SAMMSON: variants seen among roughly 807,000 people sequenced by gnomAD.
The protein encoded by SAMMSON is long intergenic non-protein coding RNA 1212.
chr3:70,026,746 G>A (rs1370001989), intron 3 of SAMMSON, among the ~76,000 whole-genome samples: 1 of 152,192 alleles, frequency 6.6e-6, no homozygotes, highest in African/African-American at 2.4e-5. Context: ...ACCACACTAA[G>A]TTTCTGAACT....
chr3:70,337,246 T>G (rs1426640673), intron 7 of SAMMSON, among the ~76,000 whole-genome samples: 6 of 149,686 alleles, frequency 4.0e-5, no homozygotes, highest in African/African-American at 1.5e-4. Context: ...AACTTAAAAC[T>G]CCCTTAATAG....
At chr3:70,367,720 C>T (rs546252475) in intron 9 of SAMMSON, among the ~76,000 whole-genome samples, 189 of 151,538 alleles carry the variant, frequency 1.2e-3, no homozygotes, top group African/African-American at 4.4e-3. Context: ...TTACTGATTT[C>T]CTTTCTTTTG....
intron 2 of SAMMSON, among the ~76,000 whole-genome samples, chr3:70,416,566 G>A (rs183176035): frequency 2.1e-4 from 32 of 152,028 alleles, no homozygotes; most frequent in African/African-American, 6.8e-4. Flanking sequence ...ATACAATCTG[G>A]AGTGATTTTC....
chr3:70,275,214 T>C (rs1358388896), intron 6 of SAMMSON, among the ~76,000 whole-genome samples: 1 of 152,164 alleles, frequency 6.6e-6, no homozygotes, highest in Admixed American at 6.5e-5. Context: ...TGAATAGCAT[T>C]CATGATGATT....
intron 4 of SAMMSON, among the ~76,000 whole-genome samples, chr3:70,155,240 G>A (rs1221476791): frequency 4.0e-5 from 6 of 151,880 alleles, no homozygotes; most frequent in Non-Finnish European, 8.8e-5. Flanking sequence ...TTGACATCAC[G>A]ACTCTGGGGG....
intron 8 of SAMMSON, among the ~76,000 whole-genome samples, chr3:70,355,315 T>G (rs532664768): frequency 3.9e-5 from 6 of 152,212 alleles, no homozygotes; most frequent in Middle Eastern, 3.4e-3. Context: ...TCAGGAAATC[T>G]TCCAACAAGG....
At chr3:70,034,021 A>G (rs1473648332) in intron 3 of SAMMSON, among the ~76,000 whole-genome samples, 6 of 152,094 alleles carry the variant, frequency 3.9e-5, no homozygotes, top group Non-Finnish European at 8.8e-5. Flanking sequence ...AGATGGATCT[A>G]TATTTAGGGA....
intron 9 of SAMMSON, among the ~76,000 whole-genome samples, chr3:70,377,979 A>G (rs922518987): frequency 1.3e-5 from 2 of 152,058 alleles, no homozygotes; most frequent in African/African-American, 4.8e-5. Flanking sequence ...ATACGCTCAT[A>G]CATTGATGGT....
intron 4 of SAMMSON, among the ~76,000 whole-genome samples, chr3:70,105,329 T>C (rs1199173292): frequency 3.3e-5 from 5 of 152,186 alleles, no homozygotes; most frequent in Admixed American, 1.3e-4. Flanking sequence ...CACCACACAA[T>C]AACTGTCTGT....
intron 2 of SAMMSON, among the ~76,000 whole-genome samples, chr3:70,428,948 A>G (rs1311771103): frequency 6.6e-6 from 1 of 152,180 alleles, no homozygotes; most frequent in African/African-American, 2.4e-5. Context: ...GGAACTTTAG[A>G]TAGAATAAGT....
At chr3:69,999,883 G>A (rs1218990704) in intron 1 of SAMMSON, 2 of 152,314 alleles carry the variant, frequency 1.3e-5, no homozygotes, top group Non-Finnish European at 2.9e-5. Flanking sequence ...GTTTGGCTGG[G>A]GCAGTGGGAG....
intron 2 of SAMMSON, among the ~76,000 whole-genome samples, chr3:70,411,681 C>G (rs755142383): frequency 2.6e-5 from 4 of 152,118 alleles, no homozygotes; most frequent in Non-Finnish European, 4.4e-5. Flanking sequence ...GAGTAAGTCT[C>G]ACAAGAACTG....
intron 7 of SAMMSON, among the ~76,000 whole-genome samples, chr3:70,298,802 G>T (rs1448353117): frequency 6.6e-6 from 1 of 152,166 alleles, no homozygotes; most frequent in Admixed American, 6.6e-5. Flanking sequence ...TATGATAGAA[G>T]ATGTACTGGA....
intron 7 of SAMMSON, among the ~76,000 whole-genome samples, chr3:70,326,209 C>T (rs2106720027): frequency 6.6e-6 from 1 of 152,044 alleles, no homozygotes; most frequent in Non-Finnish European, 1.5e-5. Context: ...CTTATTTACT[C>T]TCAGAGTGTA....
intron 4 of SAMMSON, among the ~76,000 whole-genome samples, chr3:70,189,452 G>A (rs1019833562): frequency 2.6e-5 from 4 of 152,206 alleles, no homozygotes; most frequent in Admixed American, 1.3e-4. Flanking sequence ...CTATTGAGAA[G>A]TCAGTTTCCA....
chr3:70,032,941 T>C (rs2067071355), intron 3 of SAMMSON, among the ~76,000 whole-genome samples: 1 of 152,162 alleles, frequency 6.6e-6, no homozygotes, highest in African/African-American at 2.4e-5. Context: ...CTCAGTCCAC[T>C]TCTGATTTCG....
chr3:70,004,204 G>A (rs780284097), intron 1 of SAMMSON, among the ~76,000 whole-genome samples: 5 of 152,148 alleles, frequency 3.3e-5, no homozygotes, highest in Non-Finnish European at 5.9e-5. Flanking sequence ...CTCACATAAA[G>A]TTAGTAAAGT....
At position 70,289,715 on chromosome 3, in the gene SAMMSON, G is replaced by A. The variant is rs1029975857; in HGVS notation, n.675-1464G>A. ...GGTACACCAATCAGACCTAGATTTG[G>A]TCTTTTCACATAGTCCCATATTTCT... is the stretch of plus-strand genomic sequence containing the variant. On this transcript the variant is annotated intron_variant and non_coding_transcript_variant, in intron 6 of 9. Coordinates refer to ENST00000642114, the Ensembl canonical transcript of SAMMSON. 7.9e-5 allele frequency among the ~76,000 whole-genome samples: 12 copies of A among 152,168 alleles called. 1 individual carries two copies. The highest frequency in any genetic ancestry group is 6.2e-4 in the South Asian group (3 of 4,812).
chr3:70,427,314 C>G (rs1159406297), intron 2 of SAMMSON, among the ~76,000 whole-genome samples: 1 of 152,160 alleles, frequency 6.6e-6, no homozygotes, highest in Admixed American at 6.5e-5. Flanking sequence ...GTAGTTTCTA[C>G]TAACTGATAC....
Sources: allele counts gnomAD v4.1 joint callset (sites outside exome capture counted in the v4.1 genomes callset), GRCh38; gene constraint gnomAD v4.1.1; transcripts MANE v1.5; gene names NCBI Gene and HGNC (gene_info 2026-07-23, HGNC 2026-07-21).